Variants in PRKCZ observed in about 807,000 individuals in gnomAD.
PRKCZ encodes protein kinase C zeta type.
Under a neutral mutation model 79.5 loss-of-function variants are expected in PRKCZ, and 33 were observed. The ratio of observed to expected loss-of-function variants is 0.41; its 90% CI spans 0.31 to 0.55. PRKCZ has a LOEUF of 0.55. PRKCZ is among the 20% of genes least tolerant of loss of function. The pLI is 0.19. For missense variants in PRKCZ, 578 were observed against 813.5 expected, an observed-to-expected ratio of 0.71 and a Z score of 3.52; for synonymous variants, 342 against 320.9, an observed-to-expected ratio of 1.07 and a Z score of -0.70.
intron 9 of PRKCZ, 51 bp from the exon 10 acceptor site, chr1:2,155,944 C>G: frequency 1.3e-6 from 2 of 1,523,520 alleles, no homozygotes; most frequent in Non-Finnish European, 1.8e-6. Flanking sequence ...CCCAGGATGC[C>G]TGTGAGGAGC....
intron 5 of PRKCZ, among the ~76,000 whole-genome samples, chr1:2,136,266 C>T (rs560273175): frequency 6.6e-6 from 1 of 152,340 alleles, no homozygotes; most frequent in Admixed American, 6.5e-5. Context: ...CCTGCGTGTG[C>T]TCGGTCCCTG....
intron 9 of PRKCZ, among the ~76,000 whole-genome samples, chr1:2,151,677 T>C (rs1477132670): frequency 1.3e-5 from 2 of 152,186 alleles, no homozygotes; most frequent in African/African-American, 4.8e-5. Flanking sequence ...AAATCTTTTT[T>C]TTTGGAAACG....
At chr1:2,051,799 G>T (rs1271818858) in intron 1 of PRKCZ, among the ~76,000 whole-genome samples, 2 of 152,188 alleles carry the variant, frequency 1.3e-5, no homozygotes, top group Non-Finnish European at 2.9e-5. Flanking sequence ...TCTCGGGTCA[G>T]CCATCTGGGG....
Position 2,121,655 on chromosome 1 carries a change from G to T in PRKCZ, c.335-13607G>T, listed in dbSNP as rs1157865300. 2.7e-3 allele frequency among the ~76,000 whole-genome samples: 191 copies of T among 71,806 alleles called. 35 individuals carry two copies. The highest frequency in any genetic ancestry group is 0.011 in the African/African-American group (170 of 14,946). The allele number at this position is 71,806 out of a possible 152,430, so 47.1% of individuals were successfully genotyped here. A position where few individuals can be genotyped will look rare whatever the true frequency, so the allele number is the denominator to read the frequency against. ...TCACAGTGGTAGTTAGGGTCACGGT[G>T]GTGGTTAGGGTCGTGGTGGTGGTTA... is the stretch of plus-strand genomic sequence containing the variant. On this transcript the variant is annotated intron_variant, in intron 4 of 17. Transcript: ENST00000378567.
intron 9 of PRKCZ, among the ~76,000 whole-genome samples, chr1:2,154,079 C>T (rs548676266): frequency 2.6e-5 from 4 of 152,280 alleles, no homozygotes; most frequent in East Asian, 1.9e-4. Context: ...CCAACGCCGA[C>T]GTCCCTGCGG....
chr1:2,182,326 A>G (rs1455534716), intron 16 of PRKCZ: 2 of 165,792 alleles, frequency 1.2e-5, no homozygotes, highest in Non-Finnish European at 2.6e-5. Context: ...GCAGCACCTG[A>G]GACTCTGAAG....
chr1:2,129,074 A>G lies in PRKCZ; in HGVS notation c.335-6188A>G, dbSNP rs141476350. On this transcript the variant is annotated intron_variant, in intron 4 of 17. Coordinates refer to ENST00000378567, the MANE Select transcript of PRKCZ (RefSeq NM_002744.6). ...GGGTGGGGACCGCCAGGTCCCCCCA[A>G]CATCCCTGCCTGCGGGCCCAGAAAG... Among the ~76,000 whole-genome samples, 457 of 152,312 alleles carry G rather than the reference A, an allele frequency of 3.0e-3. 2 individuals carry two copies. Among genetic ancestry groups the G allele is most frequent in the Non-Finnish European group, 5.4e-3 (366 of 68,024 alleles).
intron 6 of PRKCZ, chr1:2,144,652 G>C (rs1274944596): frequency 2.3e-5 from 27 of 1,174,714 alleles, no homozygotes; most frequent in Non-Finnish European, 2.7e-5. Flanking sequence ...TCTTGAACCA[G>C]CTCTTAAGGA....
intron 4 of PRKCZ, among the ~76,000 whole-genome samples, chr1:2,096,709 G>A (rs563771387): frequency 1.3e-5 from 2 of 152,238 alleles, no homozygotes; most frequent in South Asian, 2.1e-4. Flanking sequence ...TGAGCGGTCC[G>A]AATCAGGGTC....
rs550924095 is a variant in PRKCZ, at chr1:2,076,828, A to G, written c.334+17237A>G. On this transcript the variant is annotated intron_variant, in intron 4 of 17. Coordinates refer to ENST00000378567, the MANE Select transcript of PRKCZ (RefSeq NM_002744.6). ...CAGTGTTCAGCTTGTTTTTGGTCAT[A>G]AAGTGGTGGCACTTGTCACTCATAC... Among the ~76,000 whole-genome samples, 4 of 152,132 alleles carry G rather than the reference A, an allele frequency of 2.6e-5. No individual in the cohort carries two copies. In the East Asian group the frequency reaches 7.7e-4, roughly 29 times the overall value.
chr1:2,120,306 T>TG (rs1671626722), intron 4 of PRKCZ, among the ~76,000 whole-genome samples: 1 of 130,970 alleles, frequency 7.6e-6, no homozygotes, highest in East Asian at 2.2e-4. Context: ...TTTTTTTTTT[T>TG]TTTTTTTTTT....
At chr1:2,054,289 G>A (rs145656853) in intron 1 of PRKCZ, among the ~76,000 whole-genome samples, 10 of 152,272 alleles carry the variant, frequency 6.6e-5, no homozygotes, top group African/African-American at 2.2e-4. Context: ...TCAGAAAGCC[G>A]TAGATTTTTC....
chr1:2,105,282 G>T (rs1295324490), intron 4 of PRKCZ, among the ~76,000 whole-genome samples: 1 of 152,200 alleles, frequency 6.6e-6, no homozygotes, highest in Admixed American at 6.5e-5. Flanking sequence ...GGCCTGCAGG[G>T]TGTTTGTAGA....
chr1:2,107,648 G>A (rs1370933524), intron 4 of PRKCZ, among the ~76,000 whole-genome samples: 4 of 152,206 alleles, frequency 2.6e-5, no homozygotes, highest in Non-Finnish European at 5.9e-5. Flanking sequence ...CCTGCGAGGT[G>A]CAGGCCTTCT....
chr1:2,146,256 G>A (rs1678490086), intron 7 of PRKCZ, 148 bp downstream of exon 7: 9 of 757,106 alleles, frequency 1.2e-5, no homozygotes, highest in South Asian at 5.2e-5. Context: ...CTGGGGCTGG[G>A]GATGAGGCTC....
At chr1:2,096,688 G>T (rs12028718) in intron 4 of PRKCZ, among the ~76,000 whole-genome samples, 18,492 of 152,130 alleles carry the variant, frequency 0.12, 1,182 homozygotes, top group Middle Eastern at 0.16. Context: ...GCAAGGCGGT[G>T]AATGTGGAGC....
Position 2,127,377 on chromosome 1 carries a change from G to C in PRKCZ, c.335-7885G>C, listed in dbSNP as rs889447796. ...GATCCGGGCAGGTCCCTCAGATGGA[G>C]GGGCTGCACCTCCACTGCCCCCCCC... On this transcript the variant is annotated intron_variant, in intron 4 of 17. Transcript: ENST00000378567. The surrounding 1 kb of genome is among the most constrained non-coding windows in gnomAD (Gnocchi z 5.1). Among the ~76,000 whole-genome samples, 4 of 152,130 alleles carry C rather than the reference G, an allele frequency of 2.6e-5. No homozygotes were observed. The highest frequency in any genetic ancestry group is 5.9e-5 in the Non-Finnish European group (4 of 68,020).
chr1:2,101,926 G>C (rs1667511719), intron 4 of PRKCZ, among the ~76,000 whole-genome samples: 1 of 152,232 alleles, frequency 6.6e-6, no homozygotes, highest in South Asian at 2.1e-4. Flanking sequence ...TAGCAGATAT[G>C]TGATAGGAGC....
chr1:2,118,084 C>T (rs1466936048), intron 4 of PRKCZ, among the ~76,000 whole-genome samples: 39 of 144,450 alleles, frequency 2.7e-4, no homozygotes, highest in African/African-American at 9.7e-4. Context: ...GCAACCTCCG[C>T]CTCCCTGGTT....
Sources: allele counts gnomAD v4.1 joint callset (sites outside exome capture counted in the v4.1 genomes callset), GRCh38; gene constraint gnomAD v4.1.1; non-coding constraint Gnocchi (gnomAD v3.1); transcripts MANE v1.5; gene names NCBI Gene and HGNC (gene_info 2026-07-23, HGNC 2026-07-21).